The following CRACD variants were observed in gnomAD, a reference collection of about 807,000 sequenced individuals.
CRACD encodes the protein capping protein-inhibiting regulator of actin dynamics.
CRACD carries 56 observed loss-of-function variants against 106.8 expected under a neutral mutation model. That is an observed-to-expected ratio of 0.52 (90% confidence interval 0.42 to 0.66). The LOEUF (loss-of-function observed/expected upper bound fraction) is 0.66, where lower values mean the gene tolerates loss of function less well. Ranked by LOEUF, CRACD falls within the 30% of genes least tolerant of loss-of-function variation. The pLI, the probability that CRACD is intolerant of heterozygous loss-of-function variation, is 0.00. For missense variants in CRACD, 1,730 were observed against 1,623.2 expected, an observed-to-expected ratio of 1.07 and a Z score of -1.13; for synonymous variants, 754 against 670.8, an observed-to-expected ratio of 1.12 and a Z score of -1.92.
At position 56,207,307 on chromosome 4, in the gene CRACD, G is replaced by A. The variant is rs1220753157; in HGVS notation, c.-189+27877G>A. 2.6e-5 allele frequency among the ~76,000 whole-genome samples: 4 copies of A among 152,214 alleles called. No homozygotes were observed. The East Asian group carries it at 5.8e-4, about 22-fold the overall frequency. On this transcript the variant is annotated intron_variant, in intron 2 of 10. Coordinates refer to ENST00000682029, the MANE Select transcript of CRACD (RefSeq NM_001393381.1). ...AGAATTTAAAACTATAGCCTTTACAGTAGAACCTGTTATGGAGCCTATGAT... is the reference window on the plus strand; with the variant it reads ...AGAATTTAAAACTATAGCCTTTACAATAGAACCTGTTATGGAGCCTATGAT...
chr4:56,232,303 A>G (rs1009557298), intron 2 of CRACD, among the ~76,000 whole-genome samples: 1 of 152,202 alleles, frequency 6.6e-6, no homozygotes, highest in African/African-American at 2.4e-5. Flanking sequence ...AGCATGTACA[A>G]ATGCTCTAAC....
chr4:56,190,040 A>C (rs920259279), intron 2 of CRACD, among the ~76,000 whole-genome samples: 2 of 138,084 alleles, frequency 1.4e-5, no homozygotes, highest in East Asian at 2.2e-4. Context: ...TCATTGTTCA[A>C]TTCCCACCTA....
intron 1 of CRACD, among the ~76,000 whole-genome samples, chr4:56,146,485 T>C (rs1735384579): frequency 6.6e-6 from 1 of 151,796 alleles, no homozygotes; most frequent in African/African-American, 2.4e-5. Flanking sequence ...TAGTTACATA[T>C]GTATACATGT....
chr4:56,099,145 A>C (rs575175037), intron 1 of CRACD, among the ~76,000 whole-genome samples: 2 of 152,252 alleles, frequency 1.3e-5, no homozygotes, highest in African/African-American at 4.8e-5. Flanking sequence ...GAATAATCAA[A>C]GTTTATTTTG....
intron 2 of CRACD, among the ~76,000 whole-genome samples, chr4:56,206,093 A>G (rs190807129): frequency 7.9e-5 from 12 of 152,160 alleles, no homozygotes; most frequent in African/African-American, 2.2e-4. Context: ...TTCCTCTTCC[A>G]TATTGCTTTG....
chr4:56,145,316 T>C (rs185378595), intron 1 of CRACD, among the ~76,000 whole-genome samples: 1 of 152,340 alleles, frequency 6.6e-6, no homozygotes, highest in Admixed American at 6.5e-5. Context: ...AAGTAAGTGT[T>C]CATGCACAAA....
At chr4:56,242,046 CAAAGT>C (rs1245124001) in intron 2 of CRACD, among the ~76,000 whole-genome samples, 1 of 152,104 alleles carries the variant, frequency 6.6e-6, no homozygotes, top group African/African-American at 2.4e-5. Flanking sequence ...TTTTGAATGA[CAAAGT>C]AAGAAGCCTG....
At chr4:56,083,521 C>T (rs1733110191) in intron 1 of CRACD, among the ~76,000 whole-genome samples, 1 of 151,938 alleles carries the variant, frequency 6.6e-6, no homozygotes, top group Non-Finnish European at 1.5e-5. Context: ...CCCTACCCTA[C>T]CCTACCCTAA....
chr4:56,276,986 G>A (rs1001075602), intron 3 of CRACD, among the ~76,000 whole-genome samples: 1 of 152,226 alleles, frequency 6.6e-6, no homozygotes, highest in South Asian at 2.1e-4. Flanking sequence ...AAAGGGTTCA[G>A]GAATGAGGGG....
At chr4:56,188,653 C>A (rs888554513) in intron 2 of CRACD, among the ~76,000 whole-genome samples, 5 of 130,294 alleles carry the variant, frequency 3.8e-5, no homozygotes, top group South Asian at 5.3e-4. Flanking sequence ...CTCTCTATCT[C>A]TCTATTTCTC....
rs1333700748 is a variant in CRACD, at chr4:56,314,325, G to A, written c.823G>A (p.Glu275Lys). Residue 275 changes from glutamate (E) to lysine (K), a missense_variant, in exon 8 of 11, where the codon GAG becomes AAG. Glu to Lys is a moderately conservative substitution (Grantham distance 56). Coordinates refer to ENST00000682029, the MANE Select transcript of CRACD (RefSeq NM_001393381.1). This position sits in a 1 kb window ranked among gnomAD's most constrained non-coding sequence, Gnocchi z 4.4. Reference protein sequence around the residue: ...RRQELLEEEGEGQEPPLEAER... With the variant: ...RRQELLEEEGKGQEPPLEAER... The stretch of plus-strand genomic sequence containing the variant: ...GCAGGAGCTCTTGGAGGAGGAGGGC[G>A]AGGGGCAGGAGCCGCCTCTAGAGGC... 5 of 1,550,984 alleles carry A rather than the reference G, an allele frequency of 3.2e-6. No individual in the cohort carries two copies. Among genetic ancestry groups the A allele is most frequent in the Non-Finnish European group, 4.4e-6 (5 of 1,147,178 alleles).
At chr4:56,265,403 G>GT (rs1741951358) in intron 2 of CRACD, among the ~76,000 whole-genome samples, 3,271 of 77,398 alleles carry the variant, frequency 0.042, 77 homozygotes, top group East Asian at 0.24. Context: ...ATAGAGGAGG[G>GT]GTGTGTGTGT....
intron 1 of CRACD, among the ~76,000 whole-genome samples, chr4:56,099,078 T>C (rs1050527871): frequency 6.6e-6 from 1 of 152,138 alleles, no homozygotes; most frequent in African/African-American, 2.4e-5. Flanking sequence ...TGACCATTCA[T>C]TGAGGAACAG....
At chr4:56,150,793 A>C (rs1292994973) in intron 1 of CRACD, among the ~76,000 whole-genome samples, 1 of 152,152 alleles carries the variant, frequency 6.6e-6, no homozygotes, top group East Asian at 1.9e-4. Context: ...TGGATATTTA[A>C]GTTATTTTCA....
intron 1 of CRACD, among the ~76,000 whole-genome samples, chr4:56,148,956 C>G (rs374946700): frequency 6.6e-6 from 1 of 151,994 alleles, no homozygotes; most frequent in East Asian, 1.9e-4. Flanking sequence ...GCTGGGATTA[C>G]AGGCGCCTGC....
At chr4:56,214,147 G>C (rs1421977530) in intron 2 of CRACD, among the ~76,000 whole-genome samples, 1 of 152,108 alleles carries the variant, frequency 6.6e-6, no homozygotes, top group Admixed American at 6.5e-5. Context: ...CCAAGATCAA[G>C]GCACTGTCAG....
At chr4:56,091,292 C>T (rs1733416694) in intron 1 of CRACD, among the ~76,000 whole-genome samples, 1 of 151,978 alleles carries the variant, frequency 6.6e-6, no homozygotes, top group Non-Finnish European at 1.5e-5. Flanking sequence ...AAGTGATCCT[C>T]CCATTTCAGA....
At chr4:56,163,047 A>C (rs554299724) in intron 1 of CRACD, among the ~76,000 whole-genome samples, 1 of 152,206 alleles carries the variant, frequency 6.6e-6, no homozygotes, top group African/African-American at 2.4e-5. Flanking sequence ...CATGTGACCA[A>C]TGGGCTGTAA....
intron 1 of CRACD, among the ~76,000 whole-genome samples, chr4:56,132,952 A>G (rs573500302): frequency 6.6e-6 from 1 of 152,342 alleles, no homozygotes; most frequent in Non-Finnish European, 1.5e-5. Context: ...CTGTGAGGCC[A>G]AGAGGCACCA....
Sources: allele counts gnomAD v4.1 joint callset (sites outside exome capture counted in the v4.1 genomes callset), GRCh38; gene constraint gnomAD v4.1.1; non-coding constraint Gnocchi (gnomAD v3.1); transcripts MANE v1.5; gene names NCBI Gene and HGNC (gene_info 2026-07-23, HGNC 2026-07-21).